The following RFTN1 variants were observed in gnomAD, a reference collection of about 807,000 sequenced individuals.
RFTN1 encodes the protein raftlin.
A neutral mutation model predicts 46.5 loss-of-function variants in RFTN1; 26 were observed. That is an observed-to-expected ratio of 0.56 (90% confidence interval 0.41 to 0.78). RFTN1 has a LOEUF of 0.78. Ranked by LOEUF, RFTN1 falls within the 30% of genes least tolerant of loss-of-function variation. The pLI is 0.00. For synonymous variants in RFTN1, 261 were observed against 284.2 expected, an observed-to-expected ratio of 0.92 and a Z score of 0.82; for missense variants, 693 against 718.7, an observed-to-expected ratio of 0.96 and a Z score of 0.41.
rs551671984 is a variant in RFTN1, at chr3:16,384,184, G to A, written c.442-6082C>T. On this transcript the variant is annotated intron_variant, in intron 4 of 9. Coordinates refer to ENST00000334133, the MANE Select transcript of RFTN1 (RefSeq NM_015150.2). This position sits in a 1 kb window ranked among gnomAD's most constrained non-coding sequence, Gnocchi z 4.7. ...TTTCTCCCCTTCAAACTCAAAGACT[G>A]CAACACCAGTCCTTACCTGAATGTC... Among the ~76,000 whole-genome samples the A allele has an allele frequency of 1.3e-5, 2 of 152,266 alleles. No homozygotes were observed. Among genetic ancestry groups the A allele is most frequent in the African/African-American group, 4.8e-5 (2 of 41,542 alleles).
chr3:16,324,254 C>T (rs1229626484), intron 8 of RFTN1, among the ~76,000 whole-genome samples: 2 of 152,108 alleles, frequency 1.3e-5, no homozygotes, highest in Non-Finnish European at 2.9e-5. Context: ...TTAACAAATC[C>T]ATCACCTCAC....
chr3:16,455,635 G>A (rs1049190010), intron 2 of RFTN1, among the ~76,000 whole-genome samples: 25 of 152,128 alleles, frequency 1.6e-4, no homozygotes, highest in African/African-American at 5.6e-4. Context: ...TTGGTGTTGG[G>A]GGTGGAGGTG....
At chr3:16,439,712 T>C (rs534006551) in intron 2 of RFTN1, among the ~76,000 whole-genome samples, 13 of 152,220 alleles carry the variant, frequency 8.5e-5, no homozygotes, top group Non-Finnish European at 1.9e-4. Context: ...GGCTGGAAGA[T>C]ACCCACTGCC....
intron 4 of RFTN1, among the ~76,000 whole-genome samples, chr3:16,378,888 G>A (rs1285499422): frequency 2.0e-5 from 3 of 152,182 alleles, no homozygotes; most frequent in Non-Finnish European, 4.4e-5. Flanking sequence ...CGAGGTACTT[G>A]AACTTTCCCT....
chr3:16,492,958 T>C (rs536161668), intron 2 of RFTN1, among the ~76,000 whole-genome samples: 7 of 152,318 alleles, frequency 4.6e-5, no homozygotes, highest in Admixed American at 1.3e-4. Flanking sequence ...CCTTAGTCCT[T>C]GGACACTTGT....
intron 2 of RFTN1, among the ~76,000 whole-genome samples, chr3:16,445,481 T>A (rs868810871): frequency 5.3e-4 from 29 of 55,034 alleles, no homozygotes; most frequent in Admixed American, 1.7e-3. Flanking sequence ...TCTCTCTCTC[T>A]CTCACACACA....
chr3:16,343,236 A>G (rs1044034720), intron 7 of RFTN1, among the ~76,000 whole-genome samples: 1 of 152,122 alleles, frequency 6.6e-6, no homozygotes, highest in African/African-American at 2.4e-5. Flanking sequence ...CATCACTCCT[A>G]ATTAGTGGTA....
intron 2 of RFTN1, among the ~76,000 whole-genome samples, chr3:16,493,288 G>A (rs1409740657): frequency 6.6e-6 from 1 of 151,328 alleles, no homozygotes; most frequent in African/African-American, 2.4e-5. Flanking sequence ...CTGGAGTGCA[G>A]TGGCGTGATC....
In RFTN1 at chr3:16,424,499, G is replaced by T. The variant is rs1207064207; in HGVS notation, c.332+9352C>A. Among the ~76,000 whole-genome samples, 1 of 152,110 alleles carries T rather than the reference G, an allele frequency of 6.6e-6. No individual in the cohort carries two copies. Among genetic ancestry groups the T allele is most frequent in the Non-Finnish European group, 1.5e-5 (1 of 68,008 alleles). On this transcript the variant is annotated intron_variant, in intron 3 of 9. Coordinates refer to ENST00000334133, the MANE Select transcript of RFTN1 (RefSeq NM_015150.2). This position sits in a 1 kb window ranked among gnomAD's most constrained non-coding sequence, Gnocchi z 4.7. ...TAATTATAATACCGAAAACATACAG[G>T]AACAAAGCAAAGTGCTCTCAGACTC...
At chr3:16,368,257 C>T (rs1310269948) in intron 6 of RFTN1, among the ~76,000 whole-genome samples, 1 of 152,220 alleles carries the variant, frequency 6.6e-6, no homozygotes, top group Non-Finnish European at 1.5e-5. Context: ...GAAACCAGAC[C>T]GTGACAACCC....
At position 16,355,041 on chromosome 3, in the gene RFTN1, A is replaced by G. The variant is rs200693695; in HGVS notation, c.1146+2891T>C. Among the ~76,000 whole-genome samples, 18 of 152,268 alleles carry G rather than the reference A, an allele frequency of 1.2e-4. No individual in the cohort carries two copies. In the East Asian group the frequency reaches 3.5e-3, roughly 29 times the overall value. ...AATGGCCTTTACTGTCCATATTTCT[A>G]TGAACATTCTGATCATGACTACTTA... On this transcript the variant is annotated intron_variant, in intron 7 of 9. Coordinates refer to ENST00000334133, the MANE Select transcript of RFTN1 (RefSeq NM_015150.2).
intron 2 of RFTN1, chr3:16,482,661 A>G (rs1439200829): frequency 7.2e-6 from 8 of 1,115,186 alleles, no homozygotes; most frequent in Non-Finnish European, 7.9e-6. Flanking sequence ...CAAGATCTCT[A>G]TAAGGATTAA....
chr3:16,432,408 CCTGGGAG>C (rs1179331533), intron 3 of RFTN1, among the ~76,000 whole-genome samples: 6 of 152,102 alleles, frequency 3.9e-5, no homozygotes, highest in Non-Finnish European at 2.9e-5. Flanking sequence ...GTCCCAGTTA[CCTGGGAG>C]GCTGAGGTGG....
chr3:16,436,412 G>A (rs145797392), intron 2 of RFTN1, among the ~76,000 whole-genome samples: 3,402 of 151,026 alleles, frequency 0.023, 63 homozygotes, highest in Non-Finnish European at 0.031. Flanking sequence ...GCTGGAGTGC[G>A]GTGGTGCTAT....
chr3:16,396,278 A>T (rs1371937344), intron 4 of RFTN1, among the ~76,000 whole-genome samples: 2 of 152,112 alleles, frequency 1.3e-5, no homozygotes, highest in Non-Finnish European at 1.5e-5. Context: ...CTTTTTTTAA[A>T]TTTTTAGAAT....
intron 6 of RFTN1, among the ~76,000 whole-genome samples, chr3:16,363,415 C>T (rs1370063174): frequency 6.6e-6 from 1 of 152,174 alleles, no homozygotes; most frequent in Non-Finnish European, 1.5e-5. Flanking sequence ...AGCTATTTTC[C>T]CTCGTACTGT....
chr3:16,500,972 C>A lies in RFTN1; in HGVS notation c.-8-7095G>T, dbSNP rs1044792266. Among the ~76,000 whole-genome samples, 1 of 152,176 alleles carries A rather than the reference C, an allele frequency of 6.6e-6. No homozygotes were observed. Among genetic ancestry groups the A allele is most frequent in the East Asian group, 1.9e-4 (1 of 5,196 alleles). On this transcript the variant is annotated intron_variant, in intron 1 of 9. Coordinates refer to ENST00000334133, the MANE Select transcript of RFTN1 (RefSeq NM_015150.2). The surrounding 1 kb of genome is among the most constrained non-coding windows in gnomAD (Gnocchi z 5.9). ...GAATGCGGGAGCATTCGGAACAAATCGCTGTTATATAAAACAGAGATGGGT... is the reference window on the plus strand; with the variant it reads ...GAATGCGGGAGCATTCGGAACAAATAGCTGTTATATAAAACAGAGATGGGT...
intron 1 of RFTN1, among the ~76,000 whole-genome samples, chr3:16,510,639 G>A (rs2125017665): frequency 6.6e-6 from 1 of 152,312 alleles, no homozygotes; most frequent in South Asian, 2.1e-4. Flanking sequence ...CAGGGCTGTA[G>A]TATCTGGAAT....
chr3:16,433,885 T>A lies in RFTN1; in HGVS notation c.298A>T (p.Ile100Phe). Residue 100 changes from isoleucine to phenylalanine, a missense_variant, in exon 3 of 10, where the codon ATC becomes TTC. Ile to Phe is a conservative substitution (Grantham distance 21). Transcript: ENST00000334133. The surrounding 1 kb of genome is among the most constrained non-coding windows in gnomAD (Gnocchi z 4.4). ...HEREKTPLEH[I>F]FRAILIKKTD... ...TTCTTGATCAGGATGGCTCTAAAGA[T>A]GTGCTCCAGGGGCGTCTTCTCCCGC... 1 of 1,614,158 alleles carries A rather than the reference T, an allele frequency of 6.2e-7. No homozygotes were observed. The highest frequency in any genetic ancestry group is 8.5e-7 in the Non-Finnish European group (1 of 1,180,020).
Sources: allele counts gnomAD v4.1 joint callset (sites outside exome capture counted in the v4.1 genomes callset), GRCh38; gene constraint gnomAD v4.1.1; non-coding constraint Gnocchi (gnomAD v3.1); transcripts MANE v1.5; gene names NCBI Gene and HGNC (gene_info 2026-07-23, HGNC 2026-07-21).